Variants in PTPRN2 observed in about 807,000 individuals in gnomAD.
PTPRN2 encodes receptor-type tyrosine-protein phosphatase N2.
A neutral mutation model predicts 118.8 loss-of-function variants in PTPRN2; 74 were observed. The observed-to-expected ratio is 0.62, with a 90% CI of 0.52 to 0.76. PTPRN2 has a LOEUF of 0.76. Among genes scored for constraint, PTPRN2 ranks in the 30% least tolerant of loss-of-function variants. PTPRN2 has a pLI of 0.00. For synonymous variants in PTPRN2, 641 were observed against 608.0 expected, an observed-to-expected ratio of 1.05 and a Z score of -0.80; for missense variants, 1,481 against 1,394.4, an observed-to-expected ratio of 1.06 and a Z score of -0.99.
At chr7:158,115,522 G>T (rs926211719) in intron 9 of PTPRN2, among the ~76,000 whole-genome samples, 1 of 152,092 alleles carries the variant, frequency 6.6e-6, no homozygotes, top group African/African-American at 2.4e-5. Flanking sequence ...AAGGTGTGAG[G>T]AGGAGGGGCC....
chr7:158,070,132 A>T (rs1446026498), intron 11 of PTPRN2, among the ~76,000 whole-genome samples: 1 of 152,232 alleles, frequency 6.6e-6, no homozygotes, highest in Admixed American at 6.5e-5. Flanking sequence ...ATTGGTGCCT[A>T]ATCCATGGGG....
rs1826184044 is a variant in PTPRN2 at position 158,544,684 on chromosome 7, C to T, written c.112+42874G>A. 6.6e-6 allele frequency among the ~76,000 whole-genome samples: 1 copy of T among 152,030 alleles called. No individual in the cohort carries two copies. The highest frequency in any genetic ancestry group is 1.5e-5 in the Non-Finnish European group (1 of 68,026). ...GATTTTTTTGCAATTTTTTAAAGCT[C>T]ATAAGCTATCACTGTGTGAGTGTAT... On this transcript the variant is annotated intron_variant, in intron 1 of 22. Coordinates refer to ENST00000389418, the MANE Select transcript of PTPRN2 (RefSeq NM_002847.5). This position sits in a 1 kb window ranked among gnomAD's most constrained non-coding sequence, Gnocchi z 4.2.
At chr7:158,125,912 T>C (rs1017922939) in intron 9 of PTPRN2, among the ~76,000 whole-genome samples, 1 of 152,162 alleles carries the variant, frequency 6.6e-6, no homozygotes, top group Non-Finnish European at 1.5e-5. Context: ...CTGCTGGTTC[T>C]CGTGATGCGC....
At chr7:157,908,626 G>A (rs1797910803) in intron 11 of PTPRN2, among the ~76,000 whole-genome samples, 1 of 152,174 alleles carries the variant, frequency 6.6e-6, no homozygotes, top group South Asian at 2.1e-4. Context: ...GGACATGCAT[G>A]ACTCACGCAA....
At chr7:158,136,954 G>T (rs924419819) in intron 7 of PTPRN2, among the ~76,000 whole-genome samples, 1 of 151,972 alleles carries the variant, frequency 6.6e-6, no homozygotes, top group Non-Finnish European at 1.5e-5. Context: ...CAGCTCTGGG[G>T]GTCTCACGTG....
intron 1 of PTPRN2, among the ~76,000 whole-genome samples, chr7:158,491,225 G>C (rs1198329481): frequency 3.3e-5 from 5 of 152,172 alleles, no homozygotes; most frequent in Admixed American, 3.3e-4. Context: ...AGGCAGCCTC[G>C]CTCGTCTCAC....
intron 11 of PTPRN2, among the ~76,000 whole-genome samples, chr7:157,992,226 G>T (rs1804305828): frequency 1.3e-5 from 2 of 152,226 alleles, no homozygotes; most frequent in African/African-American, 4.8e-5. Context: ...CACCCTAAAG[G>T]TGAGTTCCAT....
At chr7:157,741,541 A>G (rs772960750) in intron 12 of PTPRN2, among the ~76,000 whole-genome samples, 7 of 151,930 alleles carry the variant, frequency 4.6e-5, no homozygotes, top group Non-Finnish European at 1.0e-4. Context: ...CCCTCCTGGA[A>G]CCCTCCCCGG....
chr7:158,573,530 G>A (rs1828158556), intron 1 of PTPRN2, among the ~76,000 whole-genome samples: 1 of 152,018 alleles, frequency 6.6e-6, no homozygotes, highest in Admixed American at 6.6e-5. Flanking sequence ...TCATGTCTCT[G>A]GGGTTCTTTC....
chr7:158,117,233 A>G (rs905232900), intron 9 of PTPRN2, among the ~76,000 whole-genome samples: 1 of 152,176 alleles, frequency 6.6e-6, no homozygotes, highest in African/African-American at 2.4e-5. Context: ...AACCTAAAAT[A>G]TAAAAGAAAT....
intron 22 of PTPRN2, among the ~76,000 whole-genome samples, chr7:157,545,988 C>T (rs117195445): frequency 0.013 from 1,932 of 152,200 alleles, 20 homozygotes; most frequent in Non-Finnish European, 0.018. Flanking sequence ...AGTCTCGGGG[C>T]GATGTTGGGC....
chr7:157,747,270 C>T lies in PTPRN2; in HGVS notation c.1789-64333G>A, dbSNP rs368053155. ...CTGCGTCTCTGAGCTGTGGGGTGTC[C>T]GGGTGATTCTGAGGCCTGCGTCTCT... is the stretch of plus-strand genomic sequence containing the variant. On this transcript the variant is annotated intron_variant, in intron 12 of 22. Coordinates refer to ENST00000389418, the MANE Select transcript of PTPRN2 (RefSeq NM_002847.5). 4.1e-4 allele frequency among the ~76,000 whole-genome samples: 28 copies of T among 67,880 alleles called. No homozygotes were observed. In the East Asian group the frequency reaches 7.0e-3, roughly 17 times the overall value. 44.5% of individuals were successfully genotyped at this position (67,880 alleles called of 152,430 possible).
At position 157,736,685 on chromosome 7, in the gene PTPRN2, T is replaced by C. The variant is rs113140762; in HGVS notation, c.1789-53748A>G. ...TTACACACAGATGCACGCAGACGGCTTGGGGAGCATGGCCAGTGCTTGTCT... is the reference window on the plus strand; with the variant it reads ...TTACACACAGATGCACGCAGACGGCCTGGGGAGCATGGCCAGTGCTTGTCT... On this transcript the variant is annotated intron_variant, in intron 12 of 22. Coordinates refer to ENST00000389418, the MANE Select transcript of PTPRN2 (RefSeq NM_002847.5). Among the ~76,000 whole-genome samples the C allele has an allele frequency of 3.4e-3, 521 of 152,246 alleles. 4 individuals are homozygous for C. The highest frequency in any genetic ancestry group is 0.012 in the African/African-American group (479 of 41,540).
chr7:158,432,569 G>C (rs1299422675), intron 2 of PTPRN2, among the ~76,000 whole-genome samples: 3 of 152,160 alleles, frequency 2.0e-5, no homozygotes, highest in African/African-American at 7.2e-5. Context: ...AAGATAATAT[G>C]TTTTCAAGCT....
chr7:158,558,476 G>A lies in PTPRN2; in HGVS notation c.112+29082C>T, dbSNP rs377495642. 2.2e-4 allele frequency among the ~76,000 whole-genome samples: 34 copies of A among 152,220 alleles called. 1 individual carries two copies. The East Asian group carries it at 2.9e-3, about 13-fold the overall frequency. On this transcript the variant is annotated intron_variant, in intron 1 of 22. Coordinates refer to ENST00000389418, the MANE Select transcript of PTPRN2 (RefSeq NM_002847.5). ...GTGCTGCCCCAGGGGGTGCTGAGCA[G>A]TGAACACTGCCCAGCTACCAGTTGG...
chr7:158,057,997 G>A (rs1809931864), intron 11 of PTPRN2, among the ~76,000 whole-genome samples: 1 of 152,314 alleles, frequency 6.6e-6, no homozygotes, highest in African/African-American at 2.4e-5. Context: ...TTCCTTAGTT[G>A]CAGGCTTTAC....
chr7:158,180,943 T>A (rs1161230524), intron 5 of PTPRN2, among the ~76,000 whole-genome samples: 2 of 152,186 alleles, frequency 1.3e-5, no homozygotes, highest in Non-Finnish European at 1.5e-5. Context: ...CCTTCTGTTT[T>A]CTGACTGCTC....
intron 12 of PTPRN2, among the ~76,000 whole-genome samples, chr7:157,803,533 C>T (rs1168542323): frequency 6.6e-6 from 1 of 152,176 alleles, no homozygotes; most frequent in African/African-American, 2.4e-5. Context: ...TCATGCTTCC[C>T]CCGTGTTTTC....
chr7:158,364,564 A>G (rs1809282336), intron 2 of PTPRN2, among the ~76,000 whole-genome samples: 1 of 152,246 alleles, frequency 6.6e-6, no homozygotes, highest in African/African-American at 2.4e-5. Flanking sequence ...AAGCTTAATA[A>G]TGAGGTTCAT....
Sources: allele counts gnomAD v4.1 joint callset (sites outside exome capture counted in the v4.1 genomes callset), GRCh38; gene constraint gnomAD v4.1.1; non-coding constraint Gnocchi (gnomAD v3.1); transcripts MANE v1.5; gene names NCBI Gene and HGNC (gene_info 2026-07-23, HGNC 2026-07-21).